SNRPN: variants seen among roughly 807,000 people sequenced by gnomAD.
SNRPN encodes the protein small nuclear ribonucleoprotein polypeptide N, also known as small nuclear ribonucleoprotein-associated protein N.
SNRPN carries 7 observed loss-of-function variants against 25.2 expected under a neutral mutation model. That is an observed-to-expected ratio of 0.28 (90% CI 0.16 to 0.52). The LOEUF is 0.52. Among genes scored for constraint, SNRPN ranks in the 20% least tolerant of loss-of-function variants. SNRPN has a pLI of 0.96. For missense variants in SNRPN, 196 were observed against 322.5 expected (o/e 0.61, Z 3.00); for synonymous variants, 124 against 110.6 (o/e 1.12, Z -0.76).
At chr15:24,922,865 A>C (rs572941898) in intron 3 of SNRPN, among the ~76,000 whole-genome samples, 1 of 130,422 alleles carries the variant, frequency 7.7e-6, no homozygotes, top group Non-Finnish European at 1.6e-5. Context: ...TAGTATTTCC[A>C]TATCTATGCC....
At chr15:24,861,839 TTG>T (rs2054011695) in intron 1 of SNRPN, among the ~76,000 whole-genome samples, 1 of 152,192 alleles carries the variant, frequency 6.6e-6, no homozygotes, top group Non-Finnish European at 1.5e-5. Flanking sequence ...ATAAACAATC[TTG>T]AAATTAATTC....
Position 24,888,414 on chromosome 15 carries a change from C to G in SNRPN, c.-505+1825C>G, listed in dbSNP as rs146049536. Among the ~76,000 whole-genome samples the G allele has an allele frequency of 2.0e-5, 3 of 152,196 alleles. No individual in the cohort carries two copies. In the East Asian group the frequency reaches 5.8e-4, roughly 29 times the overall value. ...ACCCACCACGCCTGGCCAGGAATGA[C>G]TGTCAACTATATTTTCTTAACATAT... is the stretch of plus-strand genomic sequence containing the variant. On this transcript the variant is annotated intron_variant, in intron 2 of 11. Coordinates refer to the SNRPN transcript ENST00000400097.
At chr15:24,911,905 A>G (rs1325141053) in intron 2 of SNRPN, among the ~76,000 whole-genome samples, 1 of 152,200 alleles carries the variant, frequency 6.6e-6, no homozygotes, top group Admixed American at 6.5e-5. Context: ...TGCGTATTCC[A>G]ACCTGTAATA....
chr15:24,889,670 C>T (rs910458588), intron 2 of SNRPN, among the ~76,000 whole-genome samples: 2 of 152,110 alleles, frequency 1.3e-5, no homozygotes, highest in African/African-American at 4.8e-5. Context: ...CAAAGACCGA[C>T]TCCTCTGGGC....
Position 24,843,788 on chromosome 15 carries a change from A to AACACACACACACACACACAC in SNRPN, c.-579+13893_-579+13912dup, listed in dbSNP as rs56693061. ...GATGACAGAGTGAGACTCCATCACA[A>AACACACACACACACACACAC]ACACACACACACACACACACACACA... On this transcript the variant is annotated intron_variant, in intron 2 of 12. Coordinates refer to the SNRPN transcript ENST00000400100. 1.7e-3 allele frequency among the ~76,000 whole-genome samples: 239 copies of AACACACACACACACACACAC among 139,900 alleles called. 2 individuals carry two copies. The highest frequency in any genetic ancestry group is 2.1e-3 in the Non-Finnish European group (139 of 65,370). The allele number at this position is 139,900 out of a possible 152,430, so 91.8% of individuals were successfully genotyped here. A position where few individuals can be genotyped will look rare whatever the true frequency, so the allele number is the denominator to read the frequency against.
At chr15:24,908,601 AAC>A (rs2059007560) in intron 2 of SNRPN, among the ~76,000 whole-genome samples, 1 of 2,648 alleles carries the variant, frequency 3.8e-4, no homozygotes, top group African/African-American at 8.2e-3. Flanking sequence ...TCCTGGAAAG[AAC>A]AGAACAAGGT....
chr15:24,895,821 G>A (rs551408834), intron 2 of SNRPN, among the ~76,000 whole-genome samples: 11 of 152,276 alleles, frequency 7.2e-5, no homozygotes, highest in African/African-American at 2.6e-4. Flanking sequence ...CTCCAGGAGA[G>A]CCTTAAGCCA....
At chr15:24,909,377 C>G in intron 2 of SNRPN, 1 of 1,600,606 alleles carries the variant, frequency 6.2e-7, no homozygotes, top group South Asian at 1.1e-5. Context: ...TCTGGCAAGG[C>G]CTGCATCCAA....
chr15:24,904,395 C>G (rs2151717445), intron 2 of SNRPN, among the ~76,000 whole-genome samples: 1 of 152,326 alleles, frequency 6.6e-6, no homozygotes, highest in Admixed American at 6.5e-5. Context: ...TGGCTAACGC[C>G]TGTAATCCTA....
intron 2 of SNRPN, among the ~76,000 whole-genome samples, chr15:24,888,151 C>T (rs1368141226): frequency 5.5e-5 from 8 of 145,188 alleles, no homozygotes; most frequent in East Asian, 2.1e-4. Flanking sequence ...CTCTGTTGCC[C>T]GGGCTAGAAT....
upstream of SNRPN, among the ~76,000 whole-genome samples, chr15:24,952,719 T>C (rs571202162): frequency 4.9e-4 from 74 of 152,284 alleles, no homozygotes; most frequent in African/African-American, 1.6e-3. Flanking sequence ...GAGTTGAGAA[T>C]TGAATATAAT....
intron 2 of SNRPN, among the ~76,000 whole-genome samples, chr15:24,895,400 A>AACACACACAC (rs10558727): frequency 7.5e-5 from 11 of 147,230 alleles, no homozygotes; most frequent in Non-Finnish European, 1.5e-4. Context: ...AATACACCCA[A>AACACACACAC]ACACACACAC....
In SNRPN at chr15:24,909,348, C is replaced by T; in HGVS notation, c.-504-10663C>T. ...ACAGCTCCCTTCAGGGCACCAAAAACTTTATTGCCAGTGGTAGTTCTGGCA... is the reference window on the plus strand; with the variant it reads ...ACAGCTCCCTTCAGGGCACCAAAAATTTTATTGCCAGTGGTAGTTCTGGCA... On this transcript the variant is annotated intron_variant, in intron 2 of 11. Transcript: ENST00000400097. 5 of 1,602,394 alleles carry T rather than the reference C, an allele frequency of 3.1e-6. No homozygotes were observed. The South Asian group carries it at 4.4e-5, about 14-fold the overall frequency.
At chr15:24,936,046 C>T (rs1056265971) in intron 3 of SNRPN, among the ~76,000 whole-genome samples, 1 of 151,118 alleles carries the variant, frequency 6.6e-6, no homozygotes, top group East Asian at 1.9e-4. Context: ...ACCCAGGAGG[C>T]GGAGGTTGTG....
At chr15:24,936,357 G>A (rs1272915426) in intron 3 of SNRPN, among the ~76,000 whole-genome samples, 1 of 152,124 alleles carries the variant, frequency 6.6e-6, no homozygotes, top group Non-Finnish European at 1.5e-5. Flanking sequence ...CTGATATCTG[G>A]TAGGGATGGC....
chr15:24,861,150 A>G (rs756719890), intron 1 of SNRPN, among the ~76,000 whole-genome samples: 11 of 152,314 alleles, frequency 7.2e-5, no homozygotes, highest in Non-Finnish European at 1.2e-4. Flanking sequence ...CTGTCAAAGT[A>G]CAGTGATGCA....
intron 2 of SNRPN, among the ~76,000 whole-genome samples, chr15:24,902,246 C>G (rs2058506051): frequency 6.6e-6 from 1 of 152,074 alleles, no homozygotes; most frequent in African/African-American, 2.4e-5. Flanking sequence ...AGATAAGCAA[C>G]TAATTCTGGA....
intron 3 of SNRPN, among the ~76,000 whole-genome samples, chr15:24,920,703 G>A (rs536724144): frequency 4.5e-4 from 68 of 152,214 alleles, no homozygotes; most frequent in Middle Eastern, 3.4e-3. Flanking sequence ...GAACGTGGGC[G>A]GGCAGCGGGC....
chr15:24,895,751 G>C (rs962337372), intron 2 of SNRPN, among the ~76,000 whole-genome samples: 2 of 152,130 alleles, frequency 1.3e-5, no homozygotes, highest in Admixed American at 6.6e-5. Flanking sequence ...TTTATCCTTT[G>C]TCCATATATT....
Sources: gnomAD v4.1 joint callset for allele counts (sites outside exome capture counted in the v4.1 genomes callset) on GRCh38, gnomAD v4.1.1 for gene constraint, MANE v1.5 for transcripts, NCBI Gene and HGNC (gene_info 2026-07-23, HGNC 2026-07-21) for gene names.